The following OR51B5 variants were observed in gnomAD, a reference collection of about 807,000 sequenced individuals.
OR51B5 encodes the protein olfactory receptor family 51 subfamily B member 5, also known as olfactory receptor 51B5.
For missense variants in OR51B5, 456 were observed against 374.6 expected, an observed-to-expected ratio of 1.22 and a Z score of -1.79; for synonymous variants, 186 against 144.8, an observed-to-expected ratio of 1.28 and a Z score of -2.04.
chr11:5,473,398 A>C (rs974246980), intron 1 of OR51B5, among the ~76,000 whole-genome samples: 1 of 152,214 alleles, frequency 6.6e-6, no homozygotes, highest in Non-Finnish European at 1.5e-5. Flanking sequence ...TTTAAGGGGT[A>C]AGAAGCTTGC....
chr11:5,438,929 G>C (rs1350203429), intron 1 of OR51B5, among the ~76,000 whole-genome samples: 1 of 152,196 alleles, frequency 6.6e-6, no homozygotes. Flanking sequence ...CCCATCTAAA[G>C]AGGGAAGAAG....
intron 1 of OR51B5, chr11:5,390,412 T>A: frequency 2.0e-6 from 3 of 1,514,548 alleles, no homozygotes; most frequent in Non-Finnish European, 2.7e-6. Flanking sequence ...TAGAGGCCTA[T>A]AAGAAGGCCC....
At chr11:5,471,776 T>C (rs1212230049) in intron 1 of OR51B5, among the ~76,000 whole-genome samples, 2 of 152,206 alleles carry the variant, frequency 1.3e-5, no homozygotes, top group Admixed American at 1.3e-4. Context: ...GAGTTTTTAT[T>C]TCACTTTTGC....
chr11:5,422,451 T>C lies in OR51B5; in HGVS notation n.85-75541A>G, dbSNP rs760704688. On this transcript the variant is annotated intron_variant and non_coding_transcript_variant, in intron 1 of 4. Coordinates refer to the OR51B5 transcript ENST00000415970. Reference sequence around the variant, plus strand: ...ACCCTCACCACCCTACCCACAGTCATGCAGCTTCTCTGGTTCAACGTTCGT... The same window carrying C: ...ACCCTCACCACCCTACCCACAGTCACGCAGCTTCTCTGGTTCAACGTTCGT... The C allele has an allele frequency of 5.6e-6, 9 of 1,614,208 alleles. No homozygotes were observed. In the South Asian group the frequency reaches 6.6e-5, roughly 12 times the overall value.
At position 5,449,719 on chromosome 11, in the gene OR51B5, C is replaced by T. The variant is rs78386675; in HGVS notation, n.84+55850G>A. 9.5e-3 allele frequency among the ~76,000 whole-genome samples: 1,443 copies of T among 152,184 alleles called. 23 individuals are homozygous for T. The highest frequency in any genetic ancestry group is 9.3e-3 in the Non-Finnish European group (630 of 68,018). ...CAGGACTCAGGATACAGGAACGGTT[C>T]GGGAATCTAGAAGGGAAGTGGTCAC... On this transcript the variant is annotated intron_variant and non_coding_transcript_variant, in intron 1 of 4. Coordinates refer to the OR51B5 transcript ENST00000415970.
intron 1 of OR51B5, among the ~76,000 whole-genome samples, chr11:5,458,144 G>GAATT (rs1850988890): frequency 6.6e-6 from 1 of 152,006 alleles, no homozygotes; most frequent in African/African-American, 2.4e-5. Context: ...TGATTTTTGT[G>GAATT]TATGATGAAA....
intron 1 of OR51B5, among the ~76,000 whole-genome samples, chr11:5,451,372 T>G (rs927499142): frequency 1.3e-5 from 2 of 152,264 alleles, no homozygotes; most frequent in Non-Finnish European, 2.9e-5. Context: ...TTCTCTTCTA[T>G]GTACTGTGAT....
chr11:5,356,071 C>G (rs955187069), intron 1 of OR51B5, among the ~76,000 whole-genome samples: 10 of 152,084 alleles, frequency 6.6e-5, no homozygotes, highest in Non-Finnish European at 1.0e-4. Context: ...CAGAGTGCCT[C>G]TCCTCCTCCA....
At chr11:5,482,893 T>A (rs1448176720) in intron 1 of OR51B5, among the ~76,000 whole-genome samples, 2 of 75,186 alleles carry the variant, frequency 2.7e-5, no homozygotes, top group Admixed American at 1.5e-4. Context: ...ATAGGAACAC[T>A]TTTACACTGT....
At chr11:5,368,970 C>T (rs915516349) in intron 1 of OR51B5, among the ~76,000 whole-genome samples, 4 of 152,184 alleles carry the variant, frequency 2.6e-5, no homozygotes, top group Non-Finnish European at 5.9e-5. Context: ...ACCCAAGAAG[C>T]CTAAATTGTG....
At chr11:5,354,530 A>AAAT (rs1849156378) in intron 1 of OR51B5, among the ~76,000 whole-genome samples, 1 of 152,146 alleles carries the variant, frequency 6.6e-6, no homozygotes, top group Non-Finnish European at 1.5e-5. Context: ...GAGTCCCGTG[A>AAAT]AACAGAGCAG....
intron 1 of OR51B5, among the ~76,000 whole-genome samples, chr11:5,483,749 A>T (rs1259285082): frequency 6.6e-6 from 1 of 152,054 alleles, no homozygotes; most frequent in African/African-American, 2.4e-5. Flanking sequence ...TCAAATCCTT[A>T]GGGGATGCCA....
intron 1 of OR51B5, among the ~76,000 whole-genome samples, chr11:5,367,729 G>A (rs1849392505): frequency 6.6e-6 from 1 of 152,260 alleles, no homozygotes; most frequent in Admixed American, 6.5e-5. Context: ...ATTGTACCCA[G>A]CTCCTATTTA....
intron 1 of OR51B5, chr11:5,468,595 G>T (rs2133799305): frequency 2.2e-6 from 1 of 449,510 alleles, no homozygotes; most frequent in South Asian, 1.6e-5. Context: ...ACATGAACTT[G>T]TGCACATATT....
chr11:5,462,932 T>A (rs549815499), intron 1 of OR51B5, among the ~76,000 whole-genome samples: 1 of 152,270 alleles, frequency 6.6e-6, no homozygotes, highest in South Asian at 2.1e-4. Flanking sequence ...CTTCCTAACA[T>A]CAAAAAACTA....
intron 1 of OR51B5, among the ~76,000 whole-genome samples, chr11:5,471,659 AATAAAACATTTTAT>A (rs1238989156): frequency 6.6e-6 from 1 of 151,922 alleles, no homozygotes; most frequent in Non-Finnish European, 1.5e-5. Flanking sequence ...AAATTGATCA[AATAAAACATTTTAT>A]TAACAGGAAG....
At position 5,489,345 on chromosome 11, in the gene OR51B5, T is replaced by A. The variant is rs7924754; in HGVS notation, n.84+16224A>T. 4,135 of 1,614,058 alleles carry A rather than the reference T, an allele frequency of 2.6e-3. 97 individuals are homozygous for A. In the African/African-American group the frequency reaches 0.049, roughly 19 times the overall value. ...TGGCTCTGCTGGCCATGGGACTGGA[T>A]TCCATTCTCATTGCCATTTCCTATG... On this transcript the variant is annotated intron_variant and non_coding_transcript_variant, in intron 1 of 4. Transcript: ENST00000415970.
intron 1 of OR51B5, chr11:5,440,528 C>G: frequency 7.0e-7 from 1 of 1,438,432 alleles, no homozygotes; most frequent in South Asian, 1.2e-5. Context: ...TAACATGTCC[C>G]AATCCTTCCT....
chr11:5,377,862 A>T (rs539984253), intron 1 of OR51B5, among the ~76,000 whole-genome samples: 1 of 152,184 alleles, frequency 6.6e-6, no homozygotes, highest in Non-Finnish European at 1.5e-5. Context: ...GGAAGAATCA[A>T]TATCATCAAA....
Sources: gnomAD v4.1 joint callset for allele counts (sites outside exome capture counted in the v4.1 genomes callset) on GRCh38, gnomAD v4.1.1 for gene constraint, MANE v1.5 for transcripts, NCBI Gene and HGNC (gene_info 2026-07-23, HGNC 2026-07-21) for gene names.